Variants in PNPLA7 observed in about 807,000 individuals in gnomAD.
PNPLA7 encodes the protein patatin-like phospholipase domain-containing protein 7.
Under a neutral mutation model 161.7 loss-of-function variants are expected in PNPLA7, and 153 were observed. The ratio of observed to expected loss-of-function variants is 0.95; its 90% CI spans 0.83 to 1.08. The LOEUF is 1.08. PNPLA7 is among the 50% of genes least tolerant of loss of function. The pLI is 0.00. For synonymous variants in PNPLA7, 809 were observed against 782.1 expected (o/e 1.03, Z -0.57); for missense variants, 1,739 against 1,856.6 (o/e 0.94, Z 1.16).
intron 20 of PNPLA7, chr9:137,491,667 G>A: frequency 1.0e-6 from 1 of 985,440 alleles, no homozygotes; most frequent in Non-Finnish European, 1.2e-6. Flanking sequence ...AGATGAAGAT[G>A]GGGTCACCCT....
rs142882710 is a variant in PNPLA7 at position 137,513,988 on chromosome 9, C to T, written c.1225+1391G>A. Among the ~76,000 whole-genome samples the T allele has an allele frequency of 8.2e-4, 125 of 152,388 alleles. No individual in the cohort carries two copies. In the East Asian group the frequency reaches 0.023, roughly 28 times the overall value. On this transcript the variant is annotated intron_variant, in intron 12 of 34. Coordinates refer to ENST00000406427, the MANE Select transcript of PNPLA7 (RefSeq NM_001098537.3). ...GGGCAGGTCTGCGGCAGGAGCACGG[C>T]TGCACTGCCGGGCAGGATGGACTTG...
intron 20 of PNPLA7, chr9:137,492,246 T>C (rs1832797884): frequency 4.1e-6 from 4 of 985,160 alleles, no homozygotes; most frequent in Non-Finnish European, 4.8e-6. Flanking sequence ...TATCTTTCCA[T>C]GCTGAGCACA....
rs947347729 is a variant in PNPLA7 at position 137,499,170 on chromosome 9, GGACACACGGA to G, written c.1758-935_1758-926del. Among the ~76,000 whole-genome samples the G allele has an allele frequency of 4.1e-5, 6 of 146,614 alleles. No individual in the cohort carries two copies. Among genetic ancestry groups the G allele is most frequent in the Non-Finnish European group, 7.6e-5 (5 of 66,194 alleles). ...GAGACAGAGACACTCGCAGACACAC[GGACACACGGA>G]GACACACGGACACAGGCAGACACAC... On this transcript the variant is annotated intron_variant, in intron 16 of 34. Transcript: ENST00000406427. This position sits in a 1 kb window ranked among gnomAD's most constrained non-coding sequence, Gnocchi z 5.5.
chr9:137,518,196 C>G (rs1834739989), intron 11 of PNPLA7, among the ~76,000 whole-genome samples: 1 of 137,806 alleles, frequency 7.3e-6, no homozygotes, highest in Admixed American at 6.9e-5. Flanking sequence ...CCCACTCACT[C>G]ACTCCACTCT....
intron 25 of PNPLA7, among the ~76,000 whole-genome samples, chr9:137,472,952 C>A (rs1452870359): frequency 6.7e-6 from 1 of 149,476 alleles, no homozygotes. Flanking sequence ...AAGACTCCGT[C>A]TCAAAAAAGA....
chr9:137,489,180 G>A (rs972986533), intron 20 of PNPLA7, among the ~76,000 whole-genome samples: 2 of 152,238 alleles, frequency 1.3e-5, no homozygotes, highest in Admixed American at 1.3e-4. Context: ...CCTCGAATCT[G>A]TAATGAAGAC....
At chr9:137,507,830 G>T (rs1834002400) in intron 12 of PNPLA7, among the ~76,000 whole-genome samples, 1 of 152,194 alleles carries the variant, frequency 6.6e-6, no homozygotes, top group Non-Finnish European at 1.5e-5. Flanking sequence ...AAGCCGGAAG[G>T]ATCGCTTGAG....
chr9:137,462,422 T>C, intron 30 of PNPLA7, 91 bp from the exon 31 acceptor site: 1 of 1,508,272 alleles, frequency 6.6e-7, no homozygotes. Context: ...TGGGGACCCA[T>C]CCTCTGGGGT....
At chr9:137,492,079 A>T in intron 20 of PNPLA7, 1 of 985,414 alleles carries the variant, frequency 1.0e-6, no homozygotes. Flanking sequence ...TCCAGCAGAG[A>T]TAAAGGGTCA....
Position 137,519,978 on chromosome 9 carries a change from C to T in PNPLA7, c.1023G>A (p.Val341=), listed in dbSNP as rs915344700. 1.2e-6 allele frequency: 2 copies of T among 1,612,766 alleles called. No individual in the cohort carries two copies. Among genetic ancestry groups the T allele is most frequent in the African/African-American group, 1.3e-5 (1 of 74,904 alleles). ...TAAGCCGCTCTTCTTCGCCATAGAA[C>T]ACCTGCTTCTTGGCCTTCCCGGCAG... ...SVAAGKAKKQ[V]FYGEEERLKK... is the part of the protein sequence containing the mutation. Residue 341 remains valine (V), a synonymous_variant, in exon 11 of 35, where the codon GTG becomes GTA. Transcript: ENST00000406427.
chr9:137,498,220 C>A lies in PNPLA7; in HGVS notation c.1783G>T (p.Val595Phe), dbSNP rs755276428. 4.3e-6 allele frequency: 7 copies of A among 1,612,146 alleles called. No individual in the cohort carries two copies. The South Asian group carries it at 7.7e-5, about 18-fold the overall frequency. The change falls in exon 17 of 35, where the codon GTC (valine) becomes TTC (phenylalanine). Residue 595 changes from valine (V) to phenylalanine (F), a missense_variant. Physicochemically the swap from Val to Phe is conservative, Grantham distance 50. Transcript: ENST00000406427. ...ACCACAGTGTGCGCCACACCCAGGA[C>A]GACGGTCGGCTGCTTCCGCATGATT... Reference protein sequence around the residue: ...YEIMRKQPTVVLGVAHTVVKR... With the variant: ...YEIMRKQPTVFLGVAHTVVKR...
rs1420063811 is a variant in PNPLA7 at position 137,467,828 on chromosome 9, A to G, written c.2883-355T>C. On this transcript the variant is annotated intron_variant, in intron 25 of 34. Coordinates refer to ENST00000406427, the MANE Select transcript of PNPLA7 (RefSeq NM_001098537.3). The surrounding 1 kb of genome is among the most constrained non-coding windows in gnomAD (Gnocchi z 5.1). ...CAGGAGAATCACCTGAACCCAGGAG[A>G]CAGAGGTTGCAGTGAGCTGAGATCA... is the stretch of plus-strand genomic sequence containing the variant. 1.3e-5 allele frequency among the ~76,000 whole-genome samples: 2 copies of G among 152,092 alleles called. No individual in the cohort carries two copies. Among genetic ancestry groups the G allele is most frequent in the African/African-American group, 2.4e-5 (1 of 41,396 alleles).
chr9:137,473,383 A>T (rs746171786), intron 25 of PNPLA7, among the ~76,000 whole-genome samples: 1 of 152,238 alleles, frequency 6.6e-6, no homozygotes, highest in Non-Finnish European at 1.5e-5. Context: ...TTCTAGAAGA[A>T]GATGAAGAGT....
intron 12 of PNPLA7, among the ~76,000 whole-genome samples, chr9:137,514,638 G>T (rs1834423935): frequency 2.7e-5 from 4 of 145,748 alleles, no homozygotes; most frequent in Admixed American, 6.8e-5. Flanking sequence ...GCTGCGGGCG[G>T]GTCACCCGGA....
In PNPLA7 at chr9:137,467,419, C is replaced by T; in HGVS notation, c.2937G>A (p.Val979=). Residue 979 remains valine (V), a synonymous_variant, in exon 26 of 35, where the codon GTG becomes GTA. Transcript: ENST00000406427. The surrounding 1 kb of genome is among the most constrained non-coding windows in gnomAD (Gnocchi z 5.1). ...CGATGGACGTGCCTCCCACCATGTC[C>T]ACAGGGATGCCGCACTCCGCCAAGG... ...LKALAECGIP[V]DMVGGTSIGA... The T allele has an allele frequency of 6.2e-7, 1 of 1,613,426 alleles. No individual in the cohort carries two copies. The highest frequency in any genetic ancestry group is 8.5e-7 in the Non-Finnish European group (1 of 1,180,000).
At chr9:137,470,732 T>C (rs1354984505) in intron 25 of PNPLA7, among the ~76,000 whole-genome samples, 2 of 152,136 alleles carry the variant, frequency 1.3e-5, no homozygotes, top group East Asian at 3.8e-4. Flanking sequence ...TCTAGCAATA[T>C]ACAAACAGGA....
chr9:137,520,480 T>C lies in PNPLA7; in HGVS notation c.958-437A>G, dbSNP rs1350062439. On this transcript the variant is annotated intron_variant, in intron 10 of 34. Transcript: ENST00000406427. This position sits in a 1 kb window ranked among gnomAD's most constrained non-coding sequence, Gnocchi z 5.2. ...AGAAAACAAAAAGATATTCCCTTAA[T>C]GTCAACAACTGAAGACGACAAGCCC... is the stretch of plus-strand genomic sequence containing the variant. Among the ~76,000 whole-genome samples the C allele has an allele frequency of 6.6e-6, 1 of 152,208 alleles. No homozygotes were observed. The highest frequency in any genetic ancestry group is 1.5e-5 in the Non-Finnish European group (1 of 68,022).
rs1261070248 is a variant in PNPLA7 at position 137,481,157 on chromosome 9, G to T, written c.2348-134C>A. ...CAGCCAGGCACCAAGGAGGAGGAAG[G>T]CAGTGAGAGTCCACTCCCCAACCCC... On this transcript the variant is annotated intron_variant, in intron 21 of 34. Transcript: ENST00000406427. 18 of 895,116 alleles carry T rather than the reference G, an allele frequency of 2.0e-5. No homozygotes were observed. In the Admixed American group the frequency reaches 3.5e-4, roughly 17 times the overall value. The allele number at this position is 895,116 out of a possible 1,614,324, so 55.4% of individuals were successfully genotyped here. A position where few individuals can be genotyped will look rare whatever the true frequency, so the allele number is the denominator to read the frequency against.
intron 25 of PNPLA7, 77 bp downstream of exon 25, chr9:137,477,957 A>G: frequency 8.5e-7 from 1 of 1,176,044 alleles, no homozygotes; most frequent in African/African-American, 1.6e-5. Flanking sequence ...CCCCGCACCC[A>G]GCACCTCCTA....
Sources: gnomAD v4.1 joint callset for allele counts (sites outside exome capture counted in the v4.1 genomes callset) on GRCh38, gnomAD v4.1.1 for gene constraint, Gnocchi (gnomAD v3.1) non-coding constraint, MANE v1.5 for transcripts, NCBI Gene and HGNC (gene_info 2026-07-23, HGNC 2026-07-21) for gene names.